Variants in TMEM213 observed in about 807,000 individuals in gnomAD.
The protein encoded by TMEM213 is transmembrane protein 213.
A neutral mutation model predicts 11.6 loss-of-function variants in TMEM213; 7 were observed. That is an observed-to-expected ratio of 0.60 (90% CI 0.34 to 1.13). The LOEUF (loss-of-function observed/expected upper bound fraction) is 1.13, where lower values mean the gene tolerates loss of function less well. Among genes scored for constraint, TMEM213 ranks in the 50% most tolerant of loss-of-function variants. The probability of loss-of-function intolerance (pLI) is 0.03; values close to 1 mark genes in which losing one functional copy is unlikely to be tolerated. For synonymous variants in TMEM213, 60 were observed against 58.3 expected (o/e 1.03, Z -0.13); for missense variants, 129 against 139.0 (o/e 0.93, Z 0.36).
intron 2 of TMEM213, among the ~76,000 whole-genome samples, chr7:138,802,234 A>G (rs552529796): frequency 6.6e-6 from 1 of 151,894 alleles, no homozygotes; most frequent in South Asian, 2.1e-4. Context: ...TGAATGACCG[A>G]ATGCATTAAC....
At position 138,803,153 on chromosome 7, in the gene TMEM213, T is replaced by G. The variant is rs2130268957; in HGVS notation, c.*84T>G. ...GGAGTAAGGCTAACATGGTTTCTATTATTTAAGTCATTTTCACCTTTAAGC... is the reference window on the plus strand; with the variant it reads ...GGAGTAAGGCTAACATGGTTTCTATGATTTAAGTCATTTTCACCTTTAAGC... On this transcript the variant is annotated 3_prime_UTR_variant, in exon 3 of 3. Transcript: ENST00000442682. The G allele has an allele frequency of 6.9e-7, 1 of 1,457,672 alleles. No homozygotes were observed. The highest frequency in any genetic ancestry group is 9.2e-7 in the Non-Finnish European group (1 of 1,081,762). 90.3% of individuals were successfully genotyped at this position (1,457,672 alleles called of 1,614,324 possible).
At chr7:138,800,661 A>C (rs1336227345) in intron 1 of TMEM213, among the ~76,000 whole-genome samples, 1 of 147,870 alleles carries the variant, frequency 6.8e-6, no homozygotes, top group Admixed American at 6.8e-5. Flanking sequence ...TTCTCTGTGC[A>C]TGTGTGTTGC....
intron 1 of TMEM213, among the ~76,000 whole-genome samples, chr7:138,799,755 C>G (rs1373177571): frequency 1.3e-5 from 2 of 152,198 alleles, no homozygotes; most frequent in Non-Finnish European, 2.9e-5. Flanking sequence ...AGACCAGGCT[C>G]TAAGCCATTT....
intron 2 of TMEM213, among the ~76,000 whole-genome samples, chr7:138,802,381 C>G (rs546315967): frequency 4.3e-4 from 66 of 151,974 alleles, no homozygotes; most frequent in Non-Finnish European, 8.4e-4. Context: ...AAAACCCAGT[C>G]TCTACTAAAA....
intron 1 of TMEM213, among the ~76,000 whole-genome samples, chr7:138,800,707 T>TTCTTCTTCTTCTTCTTC (rs1563030199): frequency 1.6e-5 from 2 of 123,216 alleles, no homozygotes; most frequent in African/African-American, 6.8e-5. Flanking sequence ...TCTTCTTCTT[T>TTCTTCTTCTTCTTCTTC]TTTTTTTTTT....
intron 1 of TMEM213, among the ~76,000 whole-genome samples, chr7:138,800,430 A>G (rs1434190657): frequency 6.6e-6 from 1 of 152,096 alleles, no homozygotes; most frequent in Non-Finnish European, 1.5e-5. Flanking sequence ...AATTCATGCT[A>G]AAGTCCTTTT....
intron 1 of TMEM213, 22 bp from the exon 2 acceptor site, chr7:138,801,305 T>C: frequency 6.2e-7 from 1 of 1,605,440 alleles, no homozygotes; most frequent in Non-Finnish European, 8.5e-7. Context: ...TGCCTCAGAC[T>C]ATCTCCTATC....
rs773314231 is a variant in TMEM213 at position 138,802,976 on chromosome 7, T to A, written c.231T>A (p.Val77=). ...VDEYGWIAAA[V]GWSLWFLTLI... ...AGTACGGCTGGATCGCGGCAGCTGTTGGCTGGAGCCTCTGGTTCCTCACCC... is the reference window on the plus strand; with the variant it reads ...AGTACGGCTGGATCGCGGCAGCTGTAGGCTGGAGCCTCTGGTTCCTCACCC... Residue 77 remains valine, a synonymous_variant, in exon 3 of 3, where the codon GTT becomes GTA. Coordinates refer to ENST00000442682, the MANE Select transcript of TMEM213 (RefSeq NM_001085429.2). The A allele has an allele frequency of 6.2e-7, 1 of 1,613,502 alleles. No homozygotes were observed. The highest frequency in any genetic ancestry group is 1.1e-5 in the South Asian group (1 of 91,044).
At position 138,805,588 on chromosome 7, in the gene TMEM213, AAC is replaced by A. The variant is rs1809085155; in HGVS notation, c.*2521_*2522del. The A allele has an allele frequency of 6.6e-6, 1 of 152,226 alleles. No individual in the cohort carries two copies. Among genetic ancestry groups the A allele is most frequent in the African/African-American group, 2.4e-5 (1 of 41,460 alleles). The allele number at this position is 152,226 out of a possible 1,614,324, so 9.4% of individuals were successfully genotyped here. A position where few individuals can be genotyped will look rare whatever the true frequency, so the allele number is the denominator to read the frequency against. ...ACATCTGCAAACATTTAAAAAATATAACAGTGTGTGACGTAGCAGTGAGAGTA... is the reference window on the plus strand; with the variant it reads ...ACATCTGCAAACATTTAAAAAATATAAGTGTGTGACGTAGCAGTGAGAGTA... On this transcript the variant is annotated 3_prime_UTR_variant, in exon 3 of 3. Coordinates refer to ENST00000442682, the MANE Select transcript of TMEM213 (RefSeq NM_001085429.2).
rs201901802 is a variant in TMEM213, at chr7:138,801,391, G to A, written c.147G>A (p.Gln49=). The change falls in exon 2 of 3, where the codon CAG becomes CAA. Residue 49 remains glutamine (Q), a synonymous_variant. Transcript: ENST00000442682. The stretch of plus-strand genomic sequence containing the variant: ...ACCCAGACCCTGGGACCCTGGAGCA[G>A]TGCCTCAGTAAGCTTCTCCTGCCAA... ...AHHPDPGTLE[Q]CLNVDFCPQA... 5 of 1,608,814 alleles carry A rather than the reference G, an allele frequency of 3.1e-6. No individual in the cohort carries two copies. Among genetic ancestry groups the A allele is most frequent in the Admixed American group, 3.4e-5 (2 of 59,322 alleles).
At chr7:138,800,225 T>G (rs1241291524) in intron 1 of TMEM213, among the ~76,000 whole-genome samples, 3 of 152,166 alleles carry the variant, frequency 2.0e-5, no homozygotes, top group African/African-American at 7.2e-5. Flanking sequence ...ATGGGTCTAA[T>G]GTAAACAAGA....
At chr7:138,798,645 T>C (rs1808814480) in intron 1 of TMEM213, among the ~76,000 whole-genome samples, 1 of 152,084 alleles carries the variant, frequency 6.6e-6, no homozygotes, top group South Asian at 2.1e-4. Flanking sequence ...CCCTGCCCCT[T>C]GTACTTTCTC....
chr7:138,798,068 G>C lies in TMEM213; in HGVS notation c.-37G>C, dbSNP rs751828183. 2.1e-5 allele frequency: 33 copies of C among 1,572,172 alleles called. No individual in the cohort carries two copies. In the Admixed American group the frequency reaches 5.5e-4, roughly 26 times the overall value. ...GCACTCGGCACAACTCCGCAGGACC[G>C]GCTCACCTGCACCGGGCACTCAGCA... On this transcript the variant is annotated 5_prime_UTR_variant, in exon 1 of 3. Transcript: ENST00000442682.
chr7:138,799,227 G>C (rs1310912242), intron 1 of TMEM213: 1 of 152,202 alleles, frequency 6.6e-6, no homozygotes, highest in Non-Finnish European at 1.5e-5. Flanking sequence ...CACACACAGT[G>C]AATGTCAGCA....
In TMEM213 at chr7:138,806,378, T is replaced by G. The variant is rs1164982539; in HGVS notation, c.*3309T>G. On this transcript the variant is annotated 3_prime_UTR_variant, in exon 3 of 3. Coordinates refer to ENST00000442682, the MANE Select transcript of TMEM213 (RefSeq NM_001085429.2). Reference sequence around the variant, plus strand: ...ATACAAAAAAATTATTTGGGACTGGTGGCGCATGCCTGTGGTCCCAGCTAC... The same window carrying G: ...ATACAAAAAAATTATTTGGGACTGGGGGCGCATGCCTGTGGTCCCAGCTAC... 2 of 152,428 alleles carry G rather than the reference T, an allele frequency of 1.3e-5. No homozygotes were observed. Among genetic ancestry groups the G allele is most frequent in the African/African-American group, 4.8e-5 (2 of 41,564 alleles). 9.4% of individuals were successfully genotyped at this position (152,428 alleles called of 1,614,324 possible).
chr7:138,805,097 A>G lies in TMEM213; in HGVS notation c.*2028A>G, dbSNP rs1372517193. 1 of 152,186 alleles carries G rather than the reference A, an allele frequency of 6.6e-6. No homozygotes were observed. Among genetic ancestry groups the G allele is most frequent in the Non-Finnish European group, 1.5e-5 (1 of 68,028 alleles). The allele number at this position is 152,186 out of a possible 1,614,324, so 9.4% of individuals were successfully genotyped here. On this transcript the variant is annotated 3_prime_UTR_variant, in exon 3 of 3. Coordinates refer to ENST00000442682, the MANE Select transcript of TMEM213 (RefSeq NM_001085429.2). ...TGCCTGGTTCATCTTGTAGTCTTCC[A>G]AAACAGCAGATAATTTCTGAATCTC...
At position 138,801,501 on chromosome 7, in the gene TMEM213, G is replaced by A. The variant is rs1238283518; in HGVS notation, c.154+103G>A. 3.6e-6 allele frequency: 4 copies of A among 1,122,830 alleles called. No homozygotes were observed. The Admixed American group carries it at 6.1e-5, about 17-fold the overall frequency. The allele number at this position is 1,122,830 out of a possible 1,614,324, so 69.6% of individuals were successfully genotyped here. A position where few individuals can be genotyped will look rare whatever the true frequency, so the allele number is the denominator to read the frequency against. On this transcript the variant is annotated intron_variant, in intron 2 of 2. Transcript: ENST00000442682. ...CCGTTGATTGGTGTCAAGTGGGCAA[G>A]GGCCTGCCTGGCCTTCCTGTGCACC...
Position 138,803,249 on chromosome 7 carries a change from C to A in TMEM213, c.*180C>A. 4.0e-6 allele frequency: 3 copies of A among 749,372 alleles called. No homozygotes were observed. Among genetic ancestry groups the A allele is most frequent in the Non-Finnish European group, 6.3e-6 (3 of 476,206 alleles). The allele number at this position is 749,372 out of a possible 1,614,324, so 46.4% of individuals were successfully genotyped here. A position where few individuals can be genotyped will look rare whatever the true frequency, so the allele number is the denominator to read the frequency against. ...ATAAGGCAAGCCAGTGCTGCCCTTG[C>A]ATGTCACTCCCAAGGGCCCCTGGGC... is the stretch of plus-strand genomic sequence containing the variant. On this transcript the variant is annotated 3_prime_UTR_variant, in exon 3 of 3. Coordinates refer to ENST00000442682, the MANE Select transcript of TMEM213 (RefSeq NM_001085429.2).
In TMEM213 at chr7:138,800,529, T is replaced by G. The variant is rs574596193; in HGVS notation, c.83-798T>G. The stretch of plus-strand genomic sequence containing the variant: ...TGCTTCTATGATGTTTAATTTTTTT[T>G]GACAGCCATCATTCTGGAGGCTGGA... On this transcript the variant is annotated intron_variant, in intron 1 of 2. Transcript: ENST00000442682. 1.7e-4 allele frequency among the ~76,000 whole-genome samples: 26 copies of G among 152,300 alleles called. No homozygotes were observed. The East Asian group carries it at 4.8e-3, about 28-fold the overall frequency.
Sources: gnomAD v4.1 joint callset for allele counts (sites outside exome capture counted in the v4.1 genomes callset) on GRCh38, gnomAD v4.1.1 for gene constraint, MANE v1.5 for transcripts, NCBI Gene and HGNC (gene_info 2026-07-23, HGNC 2026-07-21) for gene names.